The following ZMYM2 variants were observed in gnomAD, a reference collection of about 807,000 sequenced individuals.
The protein encoded by ZMYM2 is zinc finger MYM-type protein 2.
In ZMYM2, 56 loss-of-function variants were observed where a neutral mutation model predicts 162.8. The ratio of observed to expected loss-of-function variants is 0.34; its 90% CI spans 0.28 to 0.43. The LOEUF (loss-of-function observed/expected upper bound fraction) is 0.43. ZMYM2 is among the 20% of genes least tolerant of loss of function. ZMYM2 has a pLI of 1.00. For missense variants in ZMYM2, 1,275 were observed against 1,621.8 expected, an observed-to-expected ratio of 0.79 and a Z score of 3.67; for synonymous variants, 510 against 541.6, an observed-to-expected ratio of 0.94 and a Z score of 0.81.
At chr13:20,074,630 C>T (rs1957353596) in intron 21 of ZMYM2, among the ~76,000 whole-genome samples, 1 of 151,694 alleles carries the variant, frequency 6.6e-6, no homozygotes, top group African/African-American at 2.4e-5. Context: ...GCTCCGCCTC[C>T]TGGGTTCACG....
the ZMYM2 span, among the ~76,000 whole-genome samples, chr13:19,927,014 T>G: frequency 1.3e-5 from 2 of 152,360 alleles, no homozygotes; most frequent in South Asian, 4.1e-4. Context: ...AATTTTCTAT[T>G]TCTTCTTGAA....
chr13:20,043,455 G>A (rs1162703599), intron 12 of ZMYM2, among the ~76,000 whole-genome samples: 1 of 152,176 alleles, frequency 6.6e-6, no homozygotes, highest in African/African-American at 2.4e-5. Flanking sequence ...ATGTGGCTAG[G>A]GGGTGGAGTG....
rs915286419 is a variant in ZMYM2, at chr13:19,969,808, C to CT, written c.-11+9793dup. Among the ~76,000 whole-genome samples, 1,186 of 146,286 alleles carry CT rather than the reference C, an allele frequency of 8.1e-3. 11 individuals carry two copies. Among genetic ancestry groups the CT allele is most frequent in the African/African-American group, 0.026 (1,033 of 40,170 alleles). ...TACTCTATGCTCTGTATTCCTTTGA[C>CT]TTTTTTTTTTTCTTTTTTAAAGCAA... On this transcript the variant is annotated intron_variant, in intron 2 of 24. Transcript: ENST00000610343.
the ZMYM2 span, among the ~76,000 whole-genome samples, chr13:19,882,068 T>G: frequency 7.2e-5 from 11 of 151,872 alleles, no homozygotes; most frequent in East Asian, 2.1e-3. Context: ...GACTTAGATA[T>G]AAGAGCTAAA....
intron 12 of ZMYM2, among the ~76,000 whole-genome samples, chr13:20,038,786 TA>T (rs1336105250): frequency 6.6e-6 from 1 of 151,534 alleles, no homozygotes; most frequent in Non-Finnish European, 1.5e-5. Flanking sequence ...CATAGGATTT[TA>T]AAAGTTTTTT....
chr13:19,981,484 A>C (rs1179338865), intron 2 of ZMYM2, among the ~76,000 whole-genome samples: 1 of 152,084 alleles, frequency 6.6e-6, no homozygotes. Flanking sequence ...ACTATAAGCA[A>C]GTGTTTTGGG....
At chr13:19,940,540 AAAC>A in the ZMYM2 span, among the ~76,000 whole-genome samples, 7 of 152,226 alleles carry the variant, frequency 4.6e-5, no homozygotes, top group Non-Finnish European at 7.3e-5. Flanking sequence ...TTTTTCCTGA[AAAC>A]AACAACAATG....
chr13:19,920,322 T>C, the ZMYM2 span, among the ~76,000 whole-genome samples: 245 of 152,198 alleles, frequency 1.6e-3, 1 homozygote, highest in African/African-American at 5.6e-3. Context: ...GTAAAAACCA[T>C]TTTTAGCTCT....
chr13:19,984,662 T>G (rs1948992227), intron 2 of ZMYM2, among the ~76,000 whole-genome samples: 1 of 152,244 alleles, frequency 6.6e-6, no homozygotes, highest in African/African-American at 2.4e-5. Flanking sequence ...CTAATTGGAT[T>G]GTCTTTCTTT....
At chr13:19,931,647 A>G in the ZMYM2 span, among the ~76,000 whole-genome samples, 1 of 152,178 alleles carries the variant, frequency 6.6e-6, no homozygotes, top group African/African-American at 2.4e-5. Context: ...CTTTAGAGAC[A>G]AGGTCTTTCT....
At chr13:19,948,016 A>AAAAAAAT in the ZMYM2 span, among the ~76,000 whole-genome samples, 1 of 147,750 alleles carries the variant, frequency 6.8e-6, no homozygotes, top group African/African-American at 2.5e-5. Flanking sequence ...AAAAAAAAAA[A>AAAAAAAT]GTTACATCAA....
the ZMYM2 span, among the ~76,000 whole-genome samples, chr13:19,877,085 G>A: frequency 6.6e-6 from 1 of 151,998 alleles, no homozygotes; most frequent in Non-Finnish European, 1.5e-5. Context: ...AGTGGCGGGC[G>A]CCTGTAATCC....
At chr13:19,917,153 A>T in the ZMYM2 span, among the ~76,000 whole-genome samples, 15 of 151,916 alleles carry the variant, frequency 9.9e-5, no homozygotes, top group South Asian at 6.2e-4. Flanking sequence ...TAGTAGAGAC[A>T]GGGTTTCACT....
the ZMYM2 span, among the ~76,000 whole-genome samples, chr13:19,936,443 C>G: frequency 1.4e-4 from 22 of 152,126 alleles, no homozygotes; most frequent in African/African-American, 5.1e-4. Context: ...GAGAACAGGC[C>G]GGGCATGGTG....
chr13:19,951,086 C>T, the ZMYM2 span, among the ~76,000 whole-genome samples: 5 of 152,082 alleles, frequency 3.3e-5, no homozygotes. Context: ...TGGCCCAAGA[C>T]AATAATTCTT....
rs766901688 is a variant in ZMYM2 at position 20,083,044 on chromosome 13, G to GATTGCT, written c.3820+15_3820+16insGCTATT. The GATTGCT allele has an allele frequency of 4.5e-6, 7 of 1,556,972 alleles. No homozygotes were observed. Among genetic ancestry groups the GATTGCT allele is most frequent in the South Asian group, 1.2e-5 (1 of 81,188 alleles). ...AACAGATAATGAAGGTAGTGTAACAGATTTCTATTTTTATTTTTATTTTTA... is the reference window on the plus strand; with the variant it reads ...AACAGATAATGAAGGTAGTGTAACAGATTGCTATTTCTATTTTTATTTTTATTTTTA... On this transcript the variant is annotated intron_variant, in intron 23 of 24. Coordinates refer to ENST00000610343, the MANE Select transcript of ZMYM2 (RefSeq NM_197968.4).
chr13:20,007,766 G>C (rs1316401577), intron 6 of ZMYM2, among the ~76,000 whole-genome samples: 1 of 151,294 alleles, frequency 6.6e-6, no homozygotes, highest in Non-Finnish European at 1.5e-5. Flanking sequence ...GATTACAGGC[G>C]TGCACCACCA....
chr13:19,981,983 T>C (rs1226345746), intron 2 of ZMYM2, among the ~76,000 whole-genome samples: 2 of 152,216 alleles, frequency 1.3e-5, no homozygotes, highest in African/African-American at 4.8e-5. Flanking sequence ...GGTATCTTTT[T>C]ATGAAATCAT....
At chr13:19,991,070 A>G (rs74605051) in intron 2 of ZMYM2, among the ~76,000 whole-genome samples, 25 of 134,754 alleles carry the variant, frequency 1.9e-4, no homozygotes, top group Non-Finnish European at 3.5e-4. Context: ...GTGTGTACGT[A>G]TGTATTTTCT....
Sources: gnomAD v4.1 joint callset for allele counts (sites outside exome capture counted in the v4.1 genomes callset) on GRCh38, gnomAD v4.1.1 for gene constraint, MANE v1.5 for transcripts, NCBI Gene and HGNC (gene_info 2026-07-23, HGNC 2026-07-21) for gene names.